The following CFAP46 variants were observed in gnomAD, a reference collection of about 807,000 sequenced individuals.
The protein encoded by CFAP46 is cilia and flagella associated protein 46, also known as cilia- and flagella-associated protein 46.
CFAP46 carries 245 observed loss-of-function variants against 325.7 expected under a neutral mutation model. That is an observed-to-expected ratio of 0.75 (90% CI 0.68 to 0.84). The LOEUF (loss-of-function observed/expected upper bound fraction) is 0.84. Ranked by LOEUF, CFAP46 falls within the 40% of genes least tolerant of loss-of-function variation. The pLI is 0.00. For synonymous variants in CFAP46, 1,523 were observed against 1,495.9 expected, an observed-to-expected ratio of 1.02 and a Z score of -0.42; for missense variants, 3,346 against 3,543.0, an observed-to-expected ratio of 0.94 and a Z score of 1.41.
rs1019146863 is a variant in CFAP46, at chr10:132,827,166, C to G, written c.7117+6192G>C. Among the ~76,000 whole-genome samples the G allele has an allele frequency of 1.3e-5, 2 of 152,144 alleles. No individual in the cohort carries two copies. Among genetic ancestry groups the G allele is most frequent in the African/African-American group, 4.8e-5 (2 of 41,444 alleles). ...CCCAGTCCTGGGCCACTGAGCCACC[C>G]TCCTGCCATGCAGGGCAGACACAAC... On this transcript the variant is annotated intron_variant, in intron 50 of 57. Coordinates refer to ENST00000368586, the MANE Select transcript of CFAP46 (RefSeq NM_001200049.3). This position sits in a 1 kb window ranked among gnomAD's most constrained non-coding sequence, Gnocchi z 5.7.
intron 10 of CFAP46, among the ~76,000 whole-genome samples, 189 bp from the exon 11 acceptor site, chr10:132,925,075 G>A (rs1371826343): frequency 6.6e-6 from 1 of 152,234 alleles, no homozygotes; most frequent in Non-Finnish European, 1.5e-5. Flanking sequence ...CGTCTCACAA[G>A]ATATTACATG....
At position 132,877,072 on chromosome 10, in the gene CFAP46, G is replaced by T; in HGVS notation, c.4213-111C>A. 1 of 1,080,990 alleles carries T rather than the reference G, an allele frequency of 9.3e-7. No homozygotes were observed. Among genetic ancestry groups the T allele is most frequent in the Non-Finnish European group, 1.3e-6 (1 of 759,646 alleles). The allele number at this position is 1,080,990 out of a possible 1,614,324, so 67.0% of individuals were successfully genotyped here. On this transcript the variant is annotated intron_variant, in intron 30 of 57. Coordinates refer to ENST00000368586, the MANE Select transcript of CFAP46 (RefSeq NM_001200049.3). The surrounding 1 kb of genome is among the most constrained non-coding windows in gnomAD (Gnocchi z 5.7). The stretch of plus-strand genomic sequence containing the variant: ...ATTCAGGCCACAGCCCTGGGCAGCC[G>T]GCATCCTCCCCACCACCAGGTCCCA...
At chr10:132,823,035 CGCTGA>C in intron 50 of CFAP46, among the ~76,000 whole-genome samples, 1 of 96,022 alleles carries the variant, frequency 1.0e-5, no homozygotes, top group South Asian at 4.0e-4. Flanking sequence ...GCTGTGTGTG[CGCTGA>C]TGTGTGCTGT....
At chr10:132,816,328 CT>C (rs1008391673) in intron 50 of CFAP46, among the ~76,000 whole-genome samples, 1,620 of 118,862 alleles carry the variant, frequency 0.014, 10 homozygotes, top group African/African-American at 0.037. Context: ...CTGACTTCTT[CT>C]TTTTTTTTTT....
Position 132,808,842 on chromosome 10 carries a change from T to C in CFAP46, c.7727A>G (p.His2576Arg). ...CCATACAGGACCAAGTTGAGCGTGG[T>C]GGGAAGGAGCTCGGAGCTTTGGAGC... ...AAAPKLRAPSHHAQLGPVWAA... is the reference protein window; with the variant it reads ...AAAPKLRAPSRHAQLGPVWAA... The change falls in exon 58 of 58, where the codon CAC becomes CGC. Residue 2576 changes from histidine to arginine, a missense_variant. Physicochemically the swap from His to Arg is conservative, Grantham distance 29. Coordinates refer to ENST00000368586, the MANE Select transcript of CFAP46 (RefSeq NM_001200049.3). The surrounding 1 kb of genome is among the most constrained non-coding windows in gnomAD (Gnocchi z 6.8). 6.2e-7 allele frequency: 1 copy of C among 1,604,384 alleles called. No homozygotes were observed. Among genetic ancestry groups the C allele is most frequent in the Non-Finnish European group, 8.5e-7 (1 of 1,173,358 alleles).
At chr10:132,841,444 C>T (rs1356985247) in intron 44 of CFAP46, among the ~76,000 whole-genome samples, 2 of 152,212 alleles carry the variant, frequency 1.3e-5, no homozygotes, top group Admixed American at 1.3e-4. Flanking sequence ...GGGTGCAGCC[C>T]ACATGGCTGC....
chr10:132,859,070 C>T lies in CFAP46; in HGVS notation c.5375+1G>A, dbSNP rs1848688133. ...TGCAGGGGTCGTGGAGGCAGCCTTACCTCTTGATCTTCGCACGCTCTAGTT... is the reference window on the plus strand; with the variant it reads ...TGCAGGGGTCGTGGAGGCAGCCTTATCTCTTGATCTTCGCACGCTCTAGTT... On this transcript the variant is annotated splice_donor_variant, in intron 38 of 57. Coordinates refer to ENST00000368586, the MANE Select transcript of CFAP46 (RefSeq NM_001200049.3). LOFTEE classifies it high-confidence loss of function. The T allele has an allele frequency of 6.5e-7, 1 of 1,549,992 alleles. No individual in the cohort carries two copies. Among genetic ancestry groups the T allele is most frequent in the African/African-American group, 1.4e-5 (1 of 73,016 alleles).
intron 35 of CFAP46, among the ~76,000 whole-genome samples, chr10:132,864,653 GC>G (rs1848785143): frequency 7.2e-6 from 1 of 138,852 alleles, no homozygotes; most frequent in Admixed American, 7.2e-5. Flanking sequence ...CCTGAGACCT[GC>G]ACACACCTGT....
chr10:132,858,557 C>T (rs1246595535), intron 38 of CFAP46, among the ~76,000 whole-genome samples: 7 of 152,002 alleles, frequency 4.6e-5, no homozygotes, highest in African/African-American at 1.7e-4. Flanking sequence ...TGTGCTGGCC[C>T]TGCCCTCGGT....
intron 44 of CFAP46, among the ~76,000 whole-genome samples, chr10:132,840,370 A>T (rs1330058754): frequency 6.6e-6 from 1 of 152,138 alleles, no homozygotes; most frequent in Non-Finnish European, 1.5e-5. Context: ...GTGTTTCTCC[A>T]TTTCATTGTC....
chr10:132,890,174 C>T (rs572855912), intron 25 of CFAP46, among the ~76,000 whole-genome samples: 11 of 152,244 alleles, frequency 7.2e-5, no homozygotes, highest in African/African-American at 2.6e-4. Flanking sequence ...CCTCCTCTGC[C>T]CGGGTCACAT....
chr10:132,825,623 A>C (rs1427260546), intron 50 of CFAP46, among the ~76,000 whole-genome samples: 1 of 152,244 alleles, frequency 6.6e-6, no homozygotes, highest in Non-Finnish European at 1.5e-5. Flanking sequence ...AGATTGATAA[A>C]TTAGACTATA....
rs568256272 is a variant in CFAP46 at position 132,843,475 on chromosome 10, C to G, written c.6438+2582G>C. Among the ~76,000 whole-genome samples the G allele has an allele frequency of 4.0e-3, 469 of 118,694 alleles. 4 individuals carry two copies. Among genetic ancestry groups the G allele is most frequent in the African/African-American group, 0.019 (441 of 23,424 alleles). The allele number at this position is 118,694 out of a possible 152,430, so 77.9% of individuals were successfully genotyped here. A position where few individuals can be genotyped will look rare whatever the true frequency, so the allele number is the denominator to read the frequency against. ...TTCCCAGGGTGCTGTAGGGCTGCTG[C>G]TGGTGGGCGTTCCCAGGGTGCTGTA... is the stretch of plus-strand genomic sequence containing the variant. On this transcript the variant is annotated intron_variant, in intron 44 of 57. Coordinates refer to ENST00000368586, the MANE Select transcript of CFAP46 (RefSeq NM_001200049.3).
intron 18 of CFAP46, 112 bp from the exon 19 acceptor site, chr10:132,912,932 A>G (rs965896690): frequency 4.7e-5 from 70 of 1,483,704 alleles, no homozygotes; most frequent in Non-Finnish European, 6.4e-5. Context: ...GGTGCCCACG[A>G]CCCTCCTCTG....
Position 132,869,199 on chromosome 10 carries a change from C to T in CFAP46, c.4610+75G>A, listed in dbSNP as rs540120284. Reference sequence around the variant, plus strand: ...AGGAGTCCAGGGAAGAGGGTGGCCGCGCAGCTGGCTTTCACCTGGCCGCAC... The same window carrying T: ...AGGAGTCCAGGGAAGAGGGTGGCCGTGCAGCTGGCTTTCACCTGGCCGCAC... On this transcript the variant is annotated intron_variant, in intron 33 of 57. Coordinates refer to ENST00000368586, the MANE Select transcript of CFAP46 (RefSeq NM_001200049.3). The surrounding 1 kb of genome is among the most constrained non-coding windows in gnomAD (Gnocchi z 6.2). 184 of 1,268,376 alleles carry T rather than the reference C, an allele frequency of 1.5e-4. 2 individuals are homozygous for T. The Middle Eastern group carries it at 3.9e-3, about 27-fold the overall frequency. 78.6% of individuals were successfully genotyped at this position (1,268,376 alleles called of 1,614,324 possible).
chr10:132,899,543 C>T lies in CFAP46; in HGVS notation c.3048G>A (p.Glu1016=). 6.5e-7 allele frequency: 1 copy of T among 1,547,818 alleles called. No individual in the cohort carries two copies. The highest frequency in any genetic ancestry group is 8.7e-7 in the Non-Finnish European group (1 of 1,146,294). The part of the protein sequence containing the change: ...LRLVAAKAFT[E]SARFGGIAGS... ...CCCTTAGAGCCACACACCTGGCGCT[C>T]TCCGTGAAGGCCTTGGCTGCCACCA... is the stretch of plus-strand genomic sequence containing the variant. The change falls in exon 23 of 58, where the codon GAG becomes GAA. Residue 1016 remains glutamate (E), a synonymous_variant. Transcript: ENST00000368586.
In CFAP46 at chr10:132,919,655, C is replaced by T. The variant is rs564633396; in HGVS notation, c.1731-213G>A. On this transcript the variant is annotated intron_variant, in intron 14 of 57. Coordinates refer to ENST00000368586, the MANE Select transcript of CFAP46 (RefSeq NM_001200049.3). The surrounding 1 kb of genome is among the most constrained non-coding windows in gnomAD (Gnocchi z 9.7). ...CCGCTCTCCCTGCCAGCCAGCTGTG[C>T]GCGGCACCTCCCTTCCCTGTGGTGA... 2.6e-3 allele frequency among the ~76,000 whole-genome samples: 400 copies of T among 152,186 alleles called. 2 individuals are homozygous for T. Among genetic ancestry groups the T allele is most frequent in the Non-Finnish European group, 4.0e-3 (269 of 67,972 alleles).
chr10:132,823,664 CGCTGATGTGTGCTGTGTGCTGATGTGT>C (rs1301013212), intron 50 of CFAP46, among the ~76,000 whole-genome samples: 1 of 67,560 alleles, frequency 1.5e-5, no homozygotes, highest in African/African-American at 6.3e-5. Flanking sequence ...GTGCTGTGTG[CGCTGATGTGTGCTGTGTGCTGATGTGT>C]GCTGATGTGT....
chr10:132,853,962 G>T (rs1848600905), intron 39 of CFAP46, among the ~76,000 whole-genome samples: 2 of 151,916 alleles, frequency 1.3e-5, no homozygotes, highest in African/African-American at 2.4e-5. Context: ...AACTAGCTTT[G>T]GTTTCATTAC....
Sources: gnomAD v4.1 joint callset for allele counts (sites outside exome capture counted in the v4.1 genomes callset) on GRCh38, gnomAD v4.1.1 for gene constraint, Gnocchi (gnomAD v3.1) non-coding constraint, MANE v1.5 for transcripts, NCBI Gene and HGNC (gene_info 2026-07-23, HGNC 2026-07-21) for gene names.